KCNQ3: variants seen among roughly 807,000 people sequenced by gnomAD.
The protein encoded by KCNQ3 is potassium voltage-gated channel subfamily KQT member 3.
In KCNQ3, 30 loss-of-function variants were observed where a neutral mutation model predicts 92.5. The observed-to-expected ratio is 0.32, with a 90% CI of 0.24 to 0.44. The LOEUF (loss-of-function observed/expected upper bound fraction) is 0.44, where lower values mean the gene tolerates loss of function less well. KCNQ3 is among the 20% of genes least tolerant of loss of function. The probability of loss-of-function intolerance (pLI) is 1.00; values close to 1 mark genes in which losing one functional copy is unlikely to be tolerated. For missense variants in KCNQ3, 913 were observed against 1,140.3 expected, an observed-to-expected ratio of 0.80 and a Z score of 2.87; for synonymous variants, 450 against 468.8, an observed-to-expected ratio of 0.96 and a Z score of 0.52.
At chr8:132,141,657 A>G (rs977551627) in intron 9 of KCNQ3, among the ~76,000 whole-genome samples, 1 of 152,266 alleles carries the variant, frequency 6.6e-6, no homozygotes, top group Non-Finnish European at 1.5e-5. Flanking sequence ...CCCCATGCCC[A>G]TTTCCTGCAT....
chr8:132,416,748 G>A (rs1210285136), intron 1 of KCNQ3, among the ~76,000 whole-genome samples: 4 of 152,274 alleles, frequency 2.6e-5, no homozygotes, highest in African/African-American at 9.6e-5. Context: ...GGGGTTTCCA[G>A]TCTAGAGGAA....
chr8:132,311,319 G>C (rs1817585376), intron 1 of KCNQ3, among the ~76,000 whole-genome samples: 1 of 152,134 alleles, frequency 6.6e-6, no homozygotes, highest in Admixed American at 6.5e-5. Flanking sequence ...ATTTGCTTTG[G>C]TAGGGCATGA....
chr8:132,475,924 A>G (rs1260011358), intron 1 of KCNQ3, among the ~76,000 whole-genome samples: 1 of 152,144 alleles, frequency 6.6e-6, no homozygotes, highest in African/African-American at 2.4e-5. Flanking sequence ...CCTAGGGGGG[A>G]AAAATGGTTT....
intron 1 of KCNQ3, among the ~76,000 whole-genome samples, chr8:132,187,807 ATGGTGG>A (rs1166642331): frequency 4.2e-5 from 5 of 120,478 alleles, no homozygotes; most frequent in South Asian, 2.7e-4. Flanking sequence ...GGTGATAGTG[ATGGTGG>A]TGGTGGTGGT....
chr8:132,198,959 C>A (rs1040994683), intron 1 of KCNQ3, among the ~76,000 whole-genome samples: 5 of 152,166 alleles, frequency 3.3e-5, no homozygotes, highest in Non-Finnish European at 7.4e-5. Flanking sequence ...TCCATGCAAA[C>A]ATCCTTGACA....
chr8:132,296,810 T>C (rs1327720200), intron 1 of KCNQ3, among the ~76,000 whole-genome samples: 1 of 151,980 alleles, frequency 6.6e-6, no homozygotes, highest in Admixed American at 6.5e-5. Flanking sequence ...TTGGGTTGGT[T>C]CCAAGTCTTT....
At position 132,221,744 on chromosome 8, in the gene KCNQ3, G is replaced by T. The variant is rs368269191; in HGVS notation, c.387-35563C>A. Among the ~76,000 whole-genome samples, 6 of 152,206 alleles carry T rather than the reference G, an allele frequency of 3.9e-5. No individual in the cohort carries two copies. In the East Asian group the frequency reaches 7.7e-4, roughly 20 times the overall value. On this transcript the variant is annotated intron_variant, in intron 1 of 14. Coordinates refer to ENST00000388996, the MANE Select transcript of KCNQ3 (RefSeq NM_004519.4). ...TATAGACCAATGGAACAGAACAGAGGCCTCAGAAATAACACCACACATCTA... is the reference window on the plus strand; with the variant it reads ...TATAGACCAATGGAACAGAACAGAGTCCTCAGAAATAACACCACACATCTA...
intron 1 of KCNQ3, among the ~76,000 whole-genome samples, chr8:132,425,383 T>C (rs1270173876): frequency 1.3e-5 from 2 of 152,250 alleles, no homozygotes; most frequent in African/African-American, 2.4e-5. Flanking sequence ...GTAAATTCTC[T>C]AAGCCTCAAT....
chr8:132,317,261 A>AC, intron 1 of KCNQ3, among the ~76,000 whole-genome samples: 1 of 151,652 alleles, frequency 6.6e-6, no homozygotes, highest in Admixed American at 6.6e-5. Context: ...GGTGACTCTG[A>AC]CCCCATTTGT....
chr8:132,341,286 C>T lies in KCNQ3; in HGVS notation c.386+138861G>A, dbSNP rs544787268. Among the ~76,000 whole-genome samples, 68 of 152,312 alleles carry T rather than the reference C, an allele frequency of 4.5e-4. 1 individual carries two copies. The South Asian group carries it at 0.013, about 29-fold the overall frequency. On this transcript the variant is annotated intron_variant, in intron 1 of 14. Transcript: ENST00000388996. ...AGTGGAAGAGGTATCTACTGGAGAG[C>T]TGTCATGTTCAATCTGTTTCAACCT...
At chr8:132,401,921 G>A (rs1820345021) in intron 1 of KCNQ3, among the ~76,000 whole-genome samples, 1 of 152,040 alleles carries the variant, frequency 6.6e-6, no homozygotes, top group African/African-American at 2.4e-5. Flanking sequence ...CCTAGAGTCT[G>A]GAACTATTGG....
At chr8:132,248,251 TTTC>T (rs933883618) in intron 1 of KCNQ3, among the ~76,000 whole-genome samples, 15 of 152,046 alleles carry the variant, frequency 9.9e-5, no homozygotes, top group African/African-American at 3.6e-4. Flanking sequence ...ATTAGATACT[TTTC>T]TTCTTTTCAT....
At chr8:132,358,602 G>C (rs1819078684) in intron 1 of KCNQ3, among the ~76,000 whole-genome samples, 1 of 152,118 alleles carries the variant, frequency 6.6e-6, no homozygotes. Flanking sequence ...ATATCCCAGA[G>C]CTCTCCAAAG....
chr8:132,157,608 C>A (rs926431344), intron 9 of KCNQ3, among the ~76,000 whole-genome samples: 1 of 151,936 alleles, frequency 6.6e-6, no homozygotes, highest in Non-Finnish European at 1.5e-5. Context: ...GCCCCCAGAG[C>A]CAACCTTGCT....
chr8:132,480,607 C>A lies in KCNQ3; in HGVS notation c.-75G>T. The A allele has an allele frequency of 8.2e-7, 1 of 1,213,230 alleles. No homozygotes were observed. 75.2% of individuals were successfully genotyped at this position (1,213,230 alleles called of 1,614,324 possible). On this transcript the variant is annotated 5_prime_UTR_variant, in exon 1 of 15. Transcript: ENST00000388996. ...AGAAGGGGCGCTCGGGGTGCGTGAA[C>A]GAGGCGGCGGCGGCGGCTGCAAGCC...
chr8:132,252,877 T>C (rs776269455), intron 1 of KCNQ3, among the ~76,000 whole-genome samples: 3 of 152,202 alleles, frequency 2.0e-5, no homozygotes, highest in Non-Finnish European at 4.4e-5. Context: ...AGTGTTCTTC[T>C]ATCCATCACA....
intron 1 of KCNQ3, among the ~76,000 whole-genome samples, chr8:132,427,439 G>A (rs1335050765): frequency 6.6e-6 from 1 of 152,186 alleles, no homozygotes; most frequent in Non-Finnish European, 1.5e-5. Flanking sequence ...CTGACCTCAG[G>A]AAGGAGAGAG....
At chr8:132,369,419 G>A (rs1354046132) in intron 1 of KCNQ3, among the ~76,000 whole-genome samples, 6 of 152,074 alleles carry the variant, frequency 3.9e-5, no homozygotes, top group Non-Finnish European at 7.4e-5. Context: ...TAGAAGCAAC[G>A]ATGCCCCAGT....
chr8:132,424,145 G>A (rs1821046349), intron 1 of KCNQ3, among the ~76,000 whole-genome samples: 1 of 150,856 alleles, frequency 6.6e-6, no homozygotes, highest in Non-Finnish European at 1.5e-5. Flanking sequence ...CACATAGCTG[G>A]CTTTCTCCAA....
Sources: gnomAD v4.1 joint callset for allele counts (sites outside exome capture counted in the v4.1 genomes callset) on GRCh38, gnomAD v4.1.1 for gene constraint, MANE v1.5 for transcripts, NCBI Gene and HGNC (gene_info 2026-07-23, HGNC 2026-07-21) for gene names.